KDM5A: variants seen among roughly 807,000 people sequenced by gnomAD.
KDM5A encodes the protein lysine demethylase 5A.
KDM5A carries 42 observed loss-of-function variants against 193.5 expected under a neutral mutation model. The ratio of observed to expected loss-of-function variants is 0.22; its 90% confidence interval spans 0.17 to 0.28. The LOEUF is 0.28. Among genes scored for constraint, KDM5A ranks in the 10% least tolerant of loss-of-function variants. KDM5A has a pLI of 1.00. For synonymous variants in KDM5A, 796 were observed against 718.1 expected (o/e 1.11, Z -1.73); for missense variants, 1,692 against 2,055.1 (o/e 0.82, Z 3.42).
At chr12:323,335 G>C in intron 15 of KDM5A, 129 bp from the exon 16 acceptor site, 1 of 1,148,672 alleles carries the variant, frequency 8.7e-7, no homozygotes, top group Non-Finnish European at 1.2e-6. Context: ...CAAGGGAATG[G>C]GATCTTAGTT....
Position 352,287 on chromosome 12 carries a change from T to C in KDM5A, c.1067A>G (p.Gln356Arg). The C allele has an allele frequency of 6.2e-7, 1 of 1,613,174 alleles. No homozygotes were observed. The highest frequency in any genetic ancestry group is 8.5e-7 in the Non-Finnish European group (1 of 1,179,190). Residue 356 changes from glutamine (Q) to arginine (R), a missense_variant, in exon 9 of 28, where the codon CAA (glutamine) becomes CGA (arginine). Transcript: ENST00000399788. ...SKPREAFGFE[Q>R]AVREYTLQSF... ...CTGAAGTGTATACTCTCGTACAGCT[T>C]GTTCAAATCCAAAGGCTTCTCGAGG...
rs569121793 is a variant in KDM5A at position 328,119 on chromosome 12, G to A, written c.1968+716C>T. Among the ~76,000 whole-genome samples the A allele has an allele frequency of 2.6e-5, 4 of 152,310 alleles. No individual in the cohort carries two copies. The South Asian group carries it at 6.2e-4, about 24-fold the overall frequency. The stretch of plus-strand genomic sequence containing the variant: ...ATCTTGACTGCAGCAATGGTTTCAT[G>A]GGTATATACAGAGTCAAAACTTATC... On this transcript the variant is annotated intron_variant, in intron 14 of 27. Transcript: ENST00000399788.
rs1381475585 is a variant in KDM5A at position 334,420 on chromosome 12, T to A, written c.1311A>T (p.Glu437Asp). Residue 437 changes from glutamate to aspartate, a missense_variant and splice_region_variant, in exon 11 of 28, where the codon GAA (glutamate) becomes GAT (aspartate). Physicochemically the swap from Glu to Asp is conservative, Grantham distance 45. This residue lies in a region of KDM5A where 172 missense variants were observed against 260.3 expected (regional missense o/e 0.66). Transcript: ENST00000399788. ...GRRKILPEEE[E>D]YALSGWNLNN... Reference sequence around the variant, plus strand: ...TCAAATTCCAACCAGAAAGTGCATATTCCTATAAGAGAAGAAAAAACTGTA... The same window carrying A: ...TCAAATTCCAACCAGAAAGTGCATAATCCTATAAGAGAAGAAAAAACTGTA... 1 of 1,612,544 alleles carries A rather than the reference T, an allele frequency of 6.2e-7. No individual in the cohort carries two copies. The highest frequency in any genetic ancestry group is 1.3e-5 in the African/African-American group (1 of 75,018).
At chr12:316,139 G>A (rs1316034287) in intron 19 of KDM5A, among the ~76,000 whole-genome samples, 2 of 152,192 alleles carry the variant, frequency 1.3e-5, no homozygotes, top group Non-Finnish European at 2.9e-5. Context: ...AGATCAAGAA[G>A]ATTAAGGCTG....
chr12:350,874 A>T, intron 9 of KDM5A, 95 bp from the exon 10 acceptor site: 1 of 1,116,998 alleles, frequency 9.0e-7, no homozygotes, highest in Non-Finnish European at 1.3e-6. Flanking sequence ...CAAACCCATG[A>T]TGAGATTAAA....
In KDM5A at chr12:373,139, A is replaced by G. The variant is rs576449384; in HGVS notation, c.367-7035T>C. Among the ~76,000 whole-genome samples, 8 of 152,240 alleles carry G rather than the reference A, an allele frequency of 5.3e-5. No individual in the cohort carries two copies. In the South Asian group the frequency reaches 1.7e-3, roughly 32 times the overall value. On this transcript the variant is annotated intron_variant, in intron 3 of 27. Coordinates refer to ENST00000399788, the MANE Select transcript of KDM5A (RefSeq NM_001042603.3). ...GTTAGGGAGAATTCCCTCTTGTTCT[A>G]TTGACTGGAATAGTTTCAGAAAGAA...
chr12:364,728 CA>C (rs1565547487), intron 4 of KDM5A, among the ~76,000 whole-genome samples: 1 of 130,108 alleles, frequency 7.7e-6, no homozygotes, highest in Non-Finnish European at 1.6e-5. Flanking sequence ...GAGCTTGCAG[CA>C]AGCCGAGATC....
intron 3 of KDM5A, among the ~76,000 whole-genome samples, chr12:382,463 C>CA (rs773047995): frequency 0.016 from 1,528 of 96,010 alleles, 15 homozygotes; most frequent in Non-Finnish European, 0.022. Context: ...GACTCCATTT[C>CA]AAAAAAAAAA....
intron 6 of KDM5A, 93 bp from the exon 7 acceptor site, chr12:355,342 A>C: frequency 2.6e-6 from 2 of 776,018 alleles, no homozygotes; most frequent in Non-Finnish European, 2.3e-6. Flanking sequence ...AATTAGTTAA[A>C]ATCTTACAAC....
At chr12:375,928 C>T (rs767683585) in intron 3 of KDM5A, among the ~76,000 whole-genome samples, 10 of 152,198 alleles carry the variant, frequency 6.6e-5, no homozygotes, top group Non-Finnish European at 1.2e-4. Flanking sequence ...GCTGCCTGAT[C>T]CTTCCTCTGG....
At chr12:320,436 C>T (rs1159063613) in intron 18 of KDM5A, among the ~76,000 whole-genome samples, 2 of 152,100 alleles carry the variant, frequency 1.3e-5, no homozygotes, top group Non-Finnish European at 2.9e-5. Context: ...GCAGAGGTTG[C>T]AGTAAGCCGA....
At chr12:350,388 C>T (rs1398488544) in intron 10 of KDM5A, among the ~76,000 whole-genome samples, 1 of 146,520 alleles carries the variant, frequency 6.8e-6, no homozygotes, top group Non-Finnish European at 1.5e-5. Flanking sequence ...GTGAGCTAAG[C>T]TCGCGCTCCA....
intron 14 of KDM5A, among the ~76,000 whole-genome samples, 178 bp downstream of exon 14, chr12:328,657 A>G (rs2137418631): frequency 6.6e-6 from 1 of 152,340 alleles, no homozygotes; most frequent in East Asian, 1.9e-4. Context: ...CAAGATTCCT[A>G]AAACGTTTTT....
At chr12:333,275 CG>C in intron 12 of KDM5A, 1 of 584,082 alleles carries the variant, frequency 1.7e-6, no homozygotes, top group Non-Finnish European at 3.0e-6. Context: ...AACAATTAGC[CG>C]GGGGTGGTGG....
At chr12:291,809 T>C (rs1230419998) in intron 27 of KDM5A, among the ~76,000 whole-genome samples, 1 of 152,008 alleles carries the variant, frequency 6.6e-6, no homozygotes, top group Admixed American at 6.5e-5. Context: ...ACTATTACTC[T>C]CAGAAGTTCA....
rs1943144647 is a variant in KDM5A, at chr12:280,555, A to G, written c.*4901T>C. The G allele has an allele frequency of 4.3e-6, 1 of 233,132 alleles. No individual in the cohort carries two copies. Among genetic ancestry groups the G allele is most frequent in the East Asian group, 6.0e-5 (1 of 16,574 alleles). 14.4% of individuals were successfully genotyped at this position (233,132 alleles called of 1,614,324 possible). ...AGTCCACTGCAAGCAGAGTCTTAACATTTTCAGAAATGATCCGTCCTTCAT... is the reference window on the plus strand; with the variant it reads ...AGTCCACTGCAAGCAGAGTCTTAACGTTTTCAGAAATGATCCGTCCTTCAT... On this transcript the variant is annotated 3_prime_UTR_variant, in exon 28 of 28. Coordinates refer to ENST00000399788, the MANE Select transcript of KDM5A (RefSeq NM_001042603.3).
At chr12:289,780 T>C (rs917331659) in intron 27 of KDM5A, among the ~76,000 whole-genome samples, 1 of 151,688 alleles carries the variant, frequency 6.6e-6, no homozygotes. Context: ...AATTATTAGT[T>C]AGAGAAATAA....
In KDM5A at chr12:350,598, CA is replaced by C. The variant is rs757893894; in HGVS notation, c.1308+22del. The C allele has an allele frequency of 5.1e-4, 815 of 1,613,700 alleles. 3 individuals are homozygous for C. The highest frequency in any genetic ancestry group is 1.3e-3 in the Middle Eastern group (8 of 6,056). On this transcript the variant is annotated intron_variant, in intron 10 of 27. Coordinates refer to ENST00000399788, the MANE Select transcript of KDM5A (RefSeq NM_001042603.3). Reference sequence around the variant, plus strand: ...AAAGCTAAATCAGCTTGGGGGTAAGCAAAAGTTTGGATAAATCTGCACCTCT... The same window carrying C: ...AAAGCTAAATCAGCTTGGGGGTAAGCAAAGTTTGGATAAATCTGCACCTCT...
chr12:389,116 G>A lies in KDM5A; in HGVS notation c.-25C>T, dbSNP rs758073990. The A allele has an allele frequency of 1.6e-5, 21 of 1,277,106 alleles. No homozygotes were observed. In the South Asian group the frequency reaches 2.7e-4, roughly 16 times the overall value. 79.1% of individuals were successfully genotyped at this position (1,277,106 alleles called of 1,614,324 possible). On this transcript the variant is annotated 5_prime_UTR_variant, in exon 1 of 28. Coordinates refer to ENST00000399788, the MANE Select transcript of KDM5A (RefSeq NM_001042603.3). ...TTGCAACGGCCGGGGGGGGGGGGGGGTCCCCGTGGGGAACCGGTGGAGAAA... is the reference window on the plus strand; with the variant it reads ...TTGCAACGGCCGGGGGGGGGGGGGGATCCCCGTGGGGAACCGGTGGAGAAA...
Sources: gnomAD v4.1 joint callset for allele counts (sites outside exome capture counted in the v4.1 genomes callset) on GRCh38, gnomAD v4.1.1 for gene constraint, gnomAD v4.1.1 regional missense constraint, MANE v1.5 for transcripts, NCBI Gene and HGNC (gene_info 2026-07-23, HGNC 2026-07-21) for gene names.